GRID2: variants seen among roughly 807,000 people sequenced by gnomAD.
GRID2 encodes glutamate receptor ionotropic, delta-2.
In GRID2, 33 loss-of-function variants were observed where a neutral mutation model predicts 114.8. The observed-to-expected ratio is 0.29, with a 90% CI of 0.22 to 0.38. The LOEUF is 0.38. Ranked by LOEUF, GRID2 falls within the 10% of genes least tolerant of loss-of-function variation. The probability of loss-of-function intolerance (pLI) is 1.00; values close to 1 mark genes in which losing one functional copy is unlikely to be tolerated. For missense variants in GRID2, 1,184 were observed against 1,257.7 expected (o/e 0.94, Z 0.89); for synonymous variants, 505 against 449.9 (o/e 1.12, Z -1.55).
intron 8 of GRID2, among the ~76,000 whole-genome samples, chr4:93,242,314 GGGAGGGCTATT>G (rs33938744): frequency 0.63 from 96,101 of 151,390 alleles, 30,746 homozygotes; most frequent in Middle Eastern, 0.77. Context: ...AGAAATGCCA[GGGAGGGCTATT>G]GGCTCACATG....
At chr4:92,853,723 T>C (rs1293094181) in intron 2 of GRID2, among the ~76,000 whole-genome samples, 1 of 152,006 alleles carries the variant, frequency 6.6e-6, no homozygotes, top group Non-Finnish European at 1.5e-5. Flanking sequence ...GTCTGATGAA[T>C]TAACAGTGAA....
intron 4 of GRID2, among the ~76,000 whole-genome samples, chr4:93,206,303 T>C (rs986008788): frequency 6.6e-6 from 1 of 152,032 alleles, no homozygotes; most frequent in Admixed American, 6.6e-5. Context: ...TTTCCAATTT[T>C]ATTTTTTGTG....
rs149747449 is a variant in GRID2, at chr4:93,541,681, A to G, written c.2193+26270A>G. ...TGTGTCTCATTTTTCTAAAACCACTAGAAGGAAAACTTTATGCAGTACGGT... is the reference window on the plus strand; with the variant it reads ...TGTGTCTCATTTTTCTAAAACCACTGGAAGGAAAACTTTATGCAGTACGGT... On this transcript the variant is annotated intron_variant, in intron 13 of 15. Transcript: ENST00000282020. Among the ~76,000 whole-genome samples, 227 of 152,324 alleles carry G rather than the reference A, an allele frequency of 1.5e-3. 1 individual carries two copies. Among genetic ancestry groups the G allele is most frequent in the African/African-American group, 5.2e-3 (217 of 41,582 alleles).
At chr4:93,740,438 C>A (rs931048520) in intron 14 of GRID2, among the ~76,000 whole-genome samples, 1 of 152,160 alleles carries the variant, frequency 6.6e-6, no homozygotes, top group East Asian at 1.9e-4. Context: ...TTCTACAATC[C>A]GGTTAGACTT....
intron 13 of GRID2, among the ~76,000 whole-genome samples, chr4:93,590,650 T>A (rs929481222): frequency 6.6e-6 from 1 of 152,206 alleles, no homozygotes; most frequent in African/African-American, 2.4e-5. Flanking sequence ...TTGGGCAGTA[T>A]GGCCATTTTC....
At chr4:92,987,778 T>G (rs1331287282) in intron 2 of GRID2, among the ~76,000 whole-genome samples, 1 of 152,168 alleles carries the variant, frequency 6.6e-6, no homozygotes, top group East Asian at 1.9e-4. Context: ...AATATATACT[T>G]GTAGAACTTG....
chr4:92,933,517 T>C (rs1750401550), intron 2 of GRID2, among the ~76,000 whole-genome samples: 1 of 151,558 alleles, frequency 6.6e-6, no homozygotes, highest in African/African-American at 2.4e-5. Flanking sequence ...AGATTCAGTC[T>C]TGTGGTCAAG....
intron 2 of GRID2, among the ~76,000 whole-genome samples, chr4:93,021,322 G>C (rs984274851): frequency 5.3e-5 from 8 of 150,474 alleles, no homozygotes; most frequent in Admixed American, 1.3e-4. Context: ...CTAAACAATG[G>C]AAAAATTAAT....
In GRID2 at chr4:92,736,302, T is replaced by C. The variant is rs144004546; in HGVS notation, c.244+146016T>C. 7.6e-4 allele frequency among the ~76,000 whole-genome samples: 116 copies of C among 152,160 alleles called. 2 individuals carry two copies. Among genetic ancestry groups the C allele is most frequent in the African/African-American group, 2.6e-3 (108 of 41,540 alleles). On this transcript the variant is annotated intron_variant, in intron 2 of 15. Coordinates refer to ENST00000282020, the MANE Select transcript of GRID2 (RefSeq NM_001510.4). ...AAAGTTGGAAAAGACAAGAAACAAATTTGATCTAGAACCTCCAGAAGAAAT... is the reference window on the plus strand; with the variant it reads ...AAAGTTGGAAAAGACAAGAAACAAACTTGATCTAGAACCTCCAGAAGAAAT...
chr4:93,341,515 G>A (rs952968412), intron 8 of GRID2, among the ~76,000 whole-genome samples: 2 of 152,210 alleles, frequency 1.3e-5, no homozygotes, highest in African/African-American at 2.4e-5. Flanking sequence ...TAGAGATGGG[G>A]TTTTGCCATG....
chr4:92,611,018 CTG>C (rs34268472), intron 2 of GRID2, among the ~76,000 whole-genome samples: 2,595 of 146,434 alleles, frequency 0.018, 70 homozygotes, highest in African/African-American at 0.059. Flanking sequence ...ATTGAATAGT[CTG>C]TGTGTGTGTG....
chr4:92,727,892 G>A (rs372469641), intron 2 of GRID2, among the ~76,000 whole-genome samples: 36 of 152,174 alleles, frequency 2.4e-4, no homozygotes, highest in African/African-American at 7.2e-4. Context: ...AGAGCTATAT[G>A]GTTCTAAGTC....
intron 2 of GRID2, among the ~76,000 whole-genome samples, chr4:92,903,831 C>T (rs368306233): frequency 5.9e-5 from 9 of 151,966 alleles, no homozygotes; most frequent in South Asian, 2.1e-4. Flanking sequence ...ATTTACATAC[C>T]GCACTTCTCT....
chr4:92,956,045 T>G (rs994681835), intron 2 of GRID2, among the ~76,000 whole-genome samples: 3 of 152,100 alleles, frequency 2.0e-5, no homozygotes, highest in African/African-American at 7.2e-5. Flanking sequence ...AAAATAAACT[T>G]TATTTAGAAA....
At chr4:92,422,432 A>C (rs1731951762) in intron 1 of GRID2, among the ~76,000 whole-genome samples, 1 of 152,078 alleles carries the variant, frequency 6.6e-6, no homozygotes, top group Non-Finnish European at 1.5e-5. Context: ...TTTTTGTGGG[A>C]GACCAGAGTT....
At chr4:92,823,809 A>G (rs1004664684) in intron 2 of GRID2, among the ~76,000 whole-genome samples, 1 of 152,104 alleles carries the variant, frequency 6.6e-6, no homozygotes, top group African/African-American at 2.4e-5. Context: ...CCACAAAATA[A>G]AAGAAGGATG....
chr4:93,077,034 A>G (rs1416885847), intron 2 of GRID2, among the ~76,000 whole-genome samples: 1 of 152,208 alleles, frequency 6.6e-6, no homozygotes, highest in Non-Finnish European at 1.5e-5. Context: ...AATGCGATTC[A>G]AAAATAGATA....
intron 2 of GRID2, among the ~76,000 whole-genome samples, chr4:92,929,466 T>C (rs2149518068): frequency 6.6e-6 from 1 of 151,536 alleles, no homozygotes; most frequent in South Asian, 2.1e-4. Context: ...TGTTAGGTTA[T>C]AATGTTTTAA....
rs542572709 is a variant in GRID2, at chr4:93,577,714, A to G, written c.2194-48555A>G. On this transcript the variant is annotated intron_variant, in intron 13 of 15. Transcript: ENST00000282020. ...TGAACATGAACCAAATGTTTCCCTC[A>G]AGTCTTCTGTACTCCCCTTTACAAA... 7.3e-4 allele frequency among the ~76,000 whole-genome samples: 111 copies of G among 152,302 alleles called. No homozygotes were observed. In the South Asian group the frequency reaches 0.013, roughly 18 times the overall value.
Sources: gnomAD v4.1 joint callset for allele counts (sites outside exome capture counted in the v4.1 genomes callset) on GRCh38, gnomAD v4.1.1 for gene constraint, MANE v1.5 for transcripts, NCBI Gene and HGNC (gene_info 2026-07-23, HGNC 2026-07-21) for gene names.